Variants in LRRIQ1 observed in about 807,000 individuals in gnomAD.
LRRIQ1 encodes leucine-rich repeat- and IQ domain-containing protein 1.
A neutral mutation model predicts 211.9 loss-of-function variants in LRRIQ1; 210 were observed. That is an observed-to-expected ratio of 0.99 (90% confidence interval 0.89 to 1.11). LRRIQ1 has a LOEUF of 1.11. Ranked by LOEUF, LRRIQ1 falls within the 50% of genes most tolerant of loss-of-function variation. The pLI is 0.00. For synonymous variants in LRRIQ1, 699 were observed against 650.1 expected (o/e 1.08, Z -1.14); for missense variants, 2,136 against 1,939.5 (o/e 1.10, Z -1.90).
At chr12:85,111,972 T>G (rs567496185) in intron 15 of LRRIQ1, among the ~76,000 whole-genome samples, 1 of 138,124 alleles carries the variant, frequency 7.2e-6, no homozygotes, top group Non-Finnish European at 1.7e-5. Context: ...ACACACACTC[T>G]CTCTCTCAAT....
downstream of LRRIQ1, among the ~76,000 whole-genome samples, chr12:85,245,716 A>G (rs1408570845): frequency 2.0e-5 from 3 of 151,010 alleles, no homozygotes; most frequent in East Asian, 3.9e-4. Flanking sequence ...AAATGTGACA[A>G]TACATTAGTA....
At chr12:85,175,234 G>A (rs1182927427) in intron 24 of LRRIQ1, among the ~76,000 whole-genome samples, 1 of 152,112 alleles carries the variant, frequency 6.6e-6, no homozygotes, top group Non-Finnish European at 1.5e-5. Context: ...TCCAGCAAGA[G>A]AAAGAAGCAA....
In LRRIQ1 at chr12:85,052,103, T is replaced by C. The variant is rs536216157; in HGVS notation, c.679-74T>C. On this transcript the variant is annotated intron_variant, in intron 6 of 26. Transcript: ENST00000393217. The stretch of plus-strand genomic sequence containing the variant: ...AACTATTGTTTACAAATATATGTTA[T>C]GAGAATCATATATAATTAACATAAT... 157 of 851,760 alleles carry C rather than the reference T, an allele frequency of 1.8e-4. 1 individual carries two copies. The South Asian group carries it at 2.2e-3, about 12-fold the overall frequency. The allele number at this position is 851,760 out of a possible 1,614,324, so 52.8% of individuals were successfully genotyped here. A position where few individuals can be genotyped will look rare whatever the true frequency, so the allele number is the denominator to read the frequency against.
chr12:85,160,575 A>C, intron 23 of LRRIQ1, 38 bp from the exon 24 acceptor site: 1 of 1,317,490 alleles, frequency 7.6e-7, no homozygotes, highest in Non-Finnish European at 1.1e-6. Flanking sequence ...GAATTAACCA[A>C]AGATGAACTC....
At chr12:85,096,894 C>T (rs979730529) in intron 11 of LRRIQ1, among the ~76,000 whole-genome samples, 1 of 151,998 alleles carries the variant, frequency 6.6e-6, no homozygotes, top group Non-Finnish European at 1.5e-5. Context: ...TGGATTAAAC[C>T]GTTTATCATT....
At chr12:85,071,685 C>T (rs1883097287) in intron 10 of LRRIQ1, among the ~76,000 whole-genome samples, 1 of 152,022 alleles carries the variant, frequency 6.6e-6, no homozygotes, top group South Asian at 2.1e-4. Flanking sequence ...TTAATAGACT[C>T]ACAGTTCCAC....
intron 13 of LRRIQ1, among the ~76,000 whole-genome samples, chr12:85,103,729 G>C (rs889651774): frequency 4.0e-5 from 6 of 151,604 alleles, no homozygotes; most frequent in Non-Finnish European, 8.9e-5. Context: ...CATGATTTTT[G>C]TGATTGAAAT....
chr12:85,080,499 T>C (rs1884165848), intron 11 of LRRIQ1, among the ~76,000 whole-genome samples: 1 of 151,628 alleles, frequency 6.6e-6, no homozygotes. Flanking sequence ...TTTTTATAAT[T>C]ATACTCAAAA....
chr12:85,093,270 A>T (rs995300793), intron 11 of LRRIQ1, among the ~76,000 whole-genome samples: 1 of 152,164 alleles, frequency 6.6e-6, no homozygotes, highest in Non-Finnish European at 1.5e-5. Flanking sequence ...CCATGACTGG[A>T]CAGCTTTCTG....
At chr12:85,081,723 CTTTTTTTTTTT>C (rs766961193) in intron 11 of LRRIQ1, among the ~76,000 whole-genome samples, 3 of 113,440 alleles carry the variant, frequency 2.6e-5, no homozygotes, top group African/African-American at 7.2e-5. Flanking sequence ...TCTTCTTCTT[CTTTTTTTTTTT>C]TTTTTTTTTG....
intron 24 of LRRIQ1, among the ~76,000 whole-genome samples, chr12:85,209,862 T>C (rs1893752781): frequency 6.6e-6 from 1 of 152,086 alleles, no homozygotes; most frequent in Admixed American, 6.6e-5. Context: ...AATTTTGAGC[T>C]TATGTAAGAC....
At chr12:85,130,492 T>C (rs562893524) in intron 18 of LRRIQ1, among the ~76,000 whole-genome samples, 3 of 152,298 alleles carry the variant, frequency 2.0e-5, no homozygotes, top group African/African-American at 7.2e-5. Context: ...TATGAAGTAG[T>C]CTAGTTGTGA....
chr12:85,051,316 G>C (rs186508893), intron 6 of LRRIQ1, among the ~76,000 whole-genome samples: 1 of 151,988 alleles, frequency 6.6e-6, no homozygotes, highest in South Asian at 2.1e-4. Flanking sequence ...CAGCAAAATC[G>C]TGAATTAAAT....
intron 15 of LRRIQ1, among the ~76,000 whole-genome samples, chr12:85,119,040 A>G (rs1269708996): frequency 6.6e-6 from 1 of 152,130 alleles, no homozygotes; most frequent in Non-Finnish European, 1.5e-5. Context: ...CCCGTAGTTT[A>G]CATTAGGGTT....
Position 85,055,680 on chromosome 12 carries a change from C to T in LRRIQ1, c.887C>T (p.Ala296Val), listed in dbSNP as rs1362889137. The T allele has an allele frequency of 2.0e-5, 32 of 1,606,746 alleles. No individual in the cohort carries two copies. In the East Asian group the frequency reaches 7.0e-4, roughly 35 times the overall value. The change falls in exon 8 of 27, where the codon GCA becomes GTA. Residue 296 changes from alanine to valine, a missense_variant. Coordinates refer to ENST00000393217, the MANE Select transcript of LRRIQ1 (RefSeq NM_001079910.2). The part of the protein sequence containing the change: ...AAVKIQAKYK[A>V]FVAYQKYGPI... ...GTTAAAATTCAAGCTAAATATAAAGCATTTGTTGCCTATCAAAAATATGGC... is the reference window on the plus strand; with the variant it reads ...GTTAAAATTCAAGCTAAATATAAAGTATTTGTTGCCTATCAAAAATATGGC...
chr12:85,193,047 AAATAT>A (rs1178817827), intron 24 of LRRIQ1, among the ~76,000 whole-genome samples: 13 of 109,602 alleles, frequency 1.2e-4, no homozygotes, highest in Non-Finnish European at 1.4e-4. Flanking sequence ...TATTTATAAT[AAATAT>A]AATATAAATA....
chr12:85,236,097 C>A (rs565365598), intron 26 of LRRIQ1, among the ~76,000 whole-genome samples: 2,519 of 152,022 alleles, frequency 0.017, 77 homozygotes, highest in African/African-American at 0.058. Context: ...TGAATGCACA[C>A]CTTTTACAAC....
chr12:85,045,062 G>C (rs1162909095), intron 4 of LRRIQ1, among the ~76,000 whole-genome samples: 1 of 151,886 alleles, frequency 6.6e-6, no homozygotes, highest in East Asian at 1.9e-4. Flanking sequence ...TGTGCATGTA[G>C]ATAAAATAGG....
chr12:85,231,002 C>G (rs1038991436), intron 25 of LRRIQ1, among the ~76,000 whole-genome samples: 7 of 151,588 alleles, frequency 4.6e-5, no homozygotes, highest in Non-Finnish European at 7.4e-5. Context: ...GAGCCGAGAT[C>G]GTGCCACTGC....
Sources: gnomAD v4.1 joint callset for allele counts (sites outside exome capture counted in the v4.1 genomes callset) on GRCh38, gnomAD v4.1.1 for gene constraint, MANE v1.5 for transcripts, NCBI Gene and HGNC (gene_info 2026-07-23, HGNC 2026-07-21) for gene names.